Variants in NUBPL observed in about 807,000 individuals in gnomAD.
NUBPL encodes NUBP iron-sulfur cluster assembly factor, mitochondrial, also known as iron-sulfur cluster transfer protein NUBPL.
In NUBPL, 31 loss-of-function variants were observed where a neutral mutation model predicts 45.7. That is an observed-to-expected ratio of 0.68 (90% CI 0.51 to 0.92). The LOEUF (loss-of-function observed/expected upper bound fraction) is 0.92, where lower values mean the gene tolerates loss of function less well. Ranked by LOEUF, NUBPL falls within the 40% of genes least tolerant of loss-of-function variation. The probability of loss-of-function intolerance (pLI) is 0.00; values close to 1 mark genes in which losing one functional copy is unlikely to be tolerated. For missense variants in NUBPL, 401 were observed against 398.7 expected (o/e 1.01, Z -0.05); for synonymous variants, 144 against 140.9 (o/e 1.02, Z -0.15).
chr14:31,846,738 C>A, intron 9 of NUBPL, 147 bp downstream of exon 9: 2 of 1,302,466 alleles, frequency 1.5e-6, no homozygotes, highest in East Asian at 5.3e-5. Context: ...GGACAGATCA[C>A]GAGGTCAGGA....
rs569739529 is a variant in NUBPL, at chr14:31,807,999, A to G, written c.608-18630A>G. On this transcript the variant is annotated intron_variant, in intron 7 of 10. Transcript: ENST00000281081. The stretch of plus-strand genomic sequence containing the variant: ...TGATCTATATCTCTGTTTTGGTACC[A>G]GTACCATGCTGTGTTGGTTACTGTA... 6.6e-5 allele frequency among the ~76,000 whole-genome samples: 10 copies of G among 152,348 alleles called. No individual in the cohort carries two copies. The South Asian group carries it at 1.7e-3, about 25-fold the overall frequency.
rs1958783125 is a variant in NUBPL, at chr14:31,594,395, A to G, written c.292-4894A>G. Among the ~76,000 whole-genome samples, 3 of 152,222 alleles carry G rather than the reference A, an allele frequency of 2.0e-5. No individual in the cohort carries two copies. In the East Asian group the frequency reaches 5.8e-4, roughly 29 times the overall value. On this transcript the variant is annotated intron_variant, in intron 3 of 10. Transcript: ENST00000281081. Reference sequence around the variant, plus strand: ...CCTACTGCACTCTAGCATGGGCGACAGAGCAAGACCGTCTGAAAAAACAAC... The same window carrying G: ...CCTACTGCACTCTAGCATGGGCGACGGAGCAAGACCGTCTGAAAAAACAAC...
intron 3 of NUBPL, among the ~76,000 whole-genome samples, chr14:31,588,331 G>A (rs918423204): frequency 3.3e-5 from 5 of 152,182 alleles, no homozygotes; most frequent in African/African-American, 1.2e-4. Context: ...CTGTGTGCAT[G>A]CACTACTGTT....
chr14:31,571,464 C>CT (rs34423799), intron 3 of NUBPL, among the ~76,000 whole-genome samples: 77 of 147,270 alleles, frequency 5.2e-4, no homozygotes, highest in Admixed American at 6.8e-4. Context: ...GTGTCTTCTT[C>CT]TTTTTTTTTT....
intron 6 of NUBPL, among the ~76,000 whole-genome samples, chr14:31,713,150 G>A (rs148934574): frequency 0.02 from 3,111 of 152,272 alleles, 47 homozygotes; most frequent in Non-Finnish European, 0.028. Context: ...GACCAGAAGG[G>A]TCAATTTCTA....
intron 3 of NUBPL, among the ~76,000 whole-genome samples, chr14:31,597,945 G>T (rs1356252038): frequency 6.6e-6 from 1 of 152,028 alleles, no homozygotes; most frequent in Non-Finnish European, 1.5e-5. Context: ...TTCTGTTTGT[G>T]GTTTAAAAAA....
intron 6 of NUBPL, among the ~76,000 whole-genome samples, chr14:31,724,488 C>T (rs1249993839): frequency 6.6e-6 from 1 of 152,160 alleles, no homozygotes; most frequent in African/African-American, 2.4e-5. Context: ...TATAAAGTTC[C>T]ACTGTACAGT....
At chr14:31,579,669 T>C (rs2033811618) in intron 3 of NUBPL, among the ~76,000 whole-genome samples, 1 of 152,206 alleles carries the variant, frequency 6.6e-6, no homozygotes, top group African/African-American at 2.4e-5. Flanking sequence ...ATTATTCTTA[T>C]TTTGCAGACA....
At chr14:31,718,718 A>G (rs1267970714) in intron 6 of NUBPL, among the ~76,000 whole-genome samples, 1 of 152,154 alleles carries the variant, frequency 6.6e-6, no homozygotes, top group Non-Finnish European at 1.5e-5. Context: ...CTAGGTCAGG[A>G]TTTCTTCATA....
intron 6 of NUBPL, among the ~76,000 whole-genome samples, chr14:31,773,371 A>G (rs573718765): frequency 2.1e-4 from 32 of 152,334 alleles, no homozygotes; most frequent in African/African-American, 7.5e-4. Context: ...TCATAGAATC[A>G]TTTGGCAGAT....
rs1292470387 is a variant in NUBPL at position 31,732,671 on chromosome 14, G to A, written c.514-55109G>A. On this transcript the variant is annotated intron_variant, in intron 6 of 10. Coordinates refer to ENST00000281081, the MANE Select transcript of NUBPL (RefSeq NM_025152.3). ...CAGTAGCCCAGGCTGGAGTGCAGTG[G>A]CATGATCTCAGCTCACTGCAACCTC... Among the ~76,000 whole-genome samples the A allele has an allele frequency of 5.6e-5, 8 of 142,552 alleles. 2 individuals are homozygous for A. The Admixed American group carries it at 5.9e-4, about 11-fold the overall frequency. The allele number at this position is 142,552 out of a possible 152,430, so 93.5% of individuals were successfully genotyped here.
At chr14:31,594,181 G>T (rs753369902) in intron 3 of NUBPL, among the ~76,000 whole-genome samples, 10 of 152,152 alleles carry the variant, frequency 6.6e-5, no homozygotes, top group Non-Finnish European at 1.2e-4. Flanking sequence ...ACTTTGGGAG[G>T]TCGAGGCAGG....
chr14:31,829,223 T>C (rs2040152211), intron 8 of NUBPL, among the ~76,000 whole-genome samples: 1 of 152,144 alleles, frequency 6.6e-6, no homozygotes, highest in Non-Finnish European at 1.5e-5. Context: ...TTCTTTCCTC[T>C]GGCCTTTTGG....
At chr14:31,787,993 AT>A in intron 7 of NUBPL, 120 bp downstream of exon 7, 1 of 675,912 alleles carries the variant, frequency 1.5e-6, no homozygotes, top group Non-Finnish European at 2.6e-6. Flanking sequence ...TCACTTATAA[AT>A]TTTTCATTAG....
intron 4 of NUBPL, among the ~76,000 whole-genome samples, chr14:31,601,074 C>T (rs954043690): frequency 1.5e-4 from 23 of 152,076 alleles, no homozygotes; most frequent in Non-Finnish European, 2.8e-4. Context: ...AGATATGCGG[C>T]GTTATTTCTG....
intron 3 of NUBPL, among the ~76,000 whole-genome samples, chr14:31,566,049 A>G (rs960761182): frequency 1.3e-5 from 2 of 152,162 alleles, no homozygotes; most frequent in Admixed American, 6.5e-5. Flanking sequence ...TTTCTGCTTC[A>G]TACCTATTTT....
chr14:31,628,854 A>G (rs1020837205), intron 4 of NUBPL, among the ~76,000 whole-genome samples: 1 of 152,204 alleles, frequency 6.6e-6, no homozygotes, highest in Non-Finnish European at 1.5e-5. Context: ...TTTTTACTGT[A>G]TTACCCAGGA....
At chr14:31,830,942 AT>A (rs2040179502) in intron 8 of NUBPL, among the ~76,000 whole-genome samples, 1 of 152,110 alleles carries the variant, frequency 6.6e-6, no homozygotes, top group African/African-American at 2.4e-5. Flanking sequence ...ACTGGAGAAC[AT>A]TTTAACCTCA....
chr14:31,721,035 C>G (rs114848874), intron 6 of NUBPL, among the ~76,000 whole-genome samples: 1 of 152,190 alleles, frequency 6.6e-6, no homozygotes, highest in African/African-American at 2.4e-5. Flanking sequence ...TTTCAAGATG[C>G]GTTTGTTGGC....
Sources: gnomAD v4.1 joint callset for allele counts (sites outside exome capture counted in the v4.1 genomes callset) on GRCh38, gnomAD v4.1.1 for gene constraint, MANE v1.5 for transcripts, NCBI Gene and HGNC (gene_info 2026-07-23, HGNC 2026-07-21) for gene names.